TPD52L1: variants seen among roughly 807,000 people sequenced by gnomAD.
The protein encoded by TPD52L1 is TPD52 like 1.
Under a neutral mutation model 28.7 loss-of-function variants are expected in TPD52L1, and 18 were observed. The observed-to-expected ratio is 0.63, with a 90% CI of 0.43 to 0.93. The LOEUF (loss-of-function observed/expected upper bound fraction) is 0.93. Ranked by LOEUF, TPD52L1 falls within the 40% of genes least tolerant of loss-of-function variation. The pLI is 0.00. For synonymous variants in TPD52L1, 75 were observed against 88.8 expected (o/e 0.84, Z 0.88); for missense variants, 203 against 254.8 (o/e 0.80, Z 1.39).
chr6:125,226,921 A>C (rs958865698), intron 2 of TPD52L1, among the ~76,000 whole-genome samples: 1 of 152,170 alleles, frequency 6.6e-6, no homozygotes, highest in African/African-American at 2.4e-5. Context: ...TTAAAATAAC[A>C]GTGTATTCTC....
At chr6:125,208,997 G>A (rs1180773107) in intron 1 of TPD52L1, 2 of 965,430 alleles carry the variant, frequency 2.1e-6, no homozygotes. Context: ...TGTCTTCAGA[G>A]TCTCAAAATC....
At chr6:125,256,778 C>T (rs1033403316) in intron 5 of TPD52L1, among the ~76,000 whole-genome samples, 1 of 152,218 alleles carries the variant, frequency 6.6e-6, no homozygotes, top group African/African-American at 2.4e-5. Flanking sequence ...ACTTAAGCTA[C>T]CCATTGCTCC....
At chr6:125,207,085 C>T (rs942777981) in intron 1 of TPD52L1, among the ~76,000 whole-genome samples, 2 of 152,132 alleles carry the variant, frequency 1.3e-5, no homozygotes, top group Non-Finnish European at 1.5e-5. Flanking sequence ...ATTAATTCAA[C>T]AAACATTGGT....
At chr6:125,202,006 A>T (rs1479825076) in intron 1 of TPD52L1, among the ~76,000 whole-genome samples, 2 of 152,218 alleles carry the variant, frequency 1.3e-5, no homozygotes, top group Non-Finnish European at 2.9e-5. Context: ...TAAAGGGAAG[A>T]CTGTCTATAC....
At chr6:125,248,413 G>A (rs781441056) in intron 4 of TPD52L1, 30 bp downstream of exon 4, 12 of 1,571,352 alleles carry the variant, frequency 7.6e-6, no homozygotes, top group African/African-American at 2.7e-5. Flanking sequence ...TGGGAACGGC[G>A]CTAAGCCCTT....
chr6:125,224,313 A>C (rs1388881837), intron 2 of TPD52L1, among the ~76,000 whole-genome samples: 1 of 152,244 alleles, frequency 6.6e-6, no homozygotes, highest in Non-Finnish European at 1.5e-5. Context: ...GAAAAATACC[A>C]GACAGCATTA....
intron 1 of TPD52L1, among the ~76,000 whole-genome samples, chr6:125,161,082 A>T (rs186847021): frequency 1.7e-3 from 258 of 152,150 alleles, no homozygotes; most frequent in African/African-American, 5.9e-3. Flanking sequence ...GGAACTCCTG[A>T]CCTAAGGTGA....
Position 125,264,349 on chromosome 6 carries a change from A to T in TPD52L1, c.*1387A>T, listed in dbSNP as rs1798210233. The T allele has an allele frequency of 6.6e-6, 1 of 152,224 alleles. No homozygotes were observed. The highest frequency in any genetic ancestry group is 1.5e-5 in the Non-Finnish European group (1 of 68,050). The allele number at this position is 152,224 out of a possible 1,614,324, so 9.4% of individuals were successfully genotyped here. Reference sequence around the variant, plus strand: ...AATTGTTCATGTTTTGTGTTTATTAAATAGAAGTGATATATATGACATTTT... The same window carrying T: ...AATTGTTCATGTTTTGTGTTTATTATATAGAAGTGATATATATGACATTTT... On this transcript the variant is annotated 3_prime_UTR_variant, in exon 7 of 7. Coordinates refer to ENST00000534000, the MANE Select transcript of TPD52L1 (RefSeq NM_003287.4).
intron 1 of TPD52L1, among the ~76,000 whole-genome samples, chr6:125,178,515 G>A (rs1791960202): frequency 6.6e-6 from 1 of 152,124 alleles, no homozygotes; most frequent in African/African-American, 2.4e-5. Flanking sequence ...CAGCTACTCA[G>A]GAGGCTGAGG....
intron 3 of TPD52L1, among the ~76,000 whole-genome samples, chr6:125,247,355 T>C (rs1354005214): frequency 6.6e-6 from 1 of 152,164 alleles, no homozygotes; most frequent in Non-Finnish European, 1.5e-5. Context: ...ATTTCCCACT[T>C]TCATAACCAA....
intron 1 of TPD52L1, among the ~76,000 whole-genome samples, chr6:125,211,300 TATCTATC>T (rs934993347): frequency 8.8e-5 from 13 of 147,376 alleles, no homozygotes; most frequent in South Asian, 2.1e-4. Context: ...TCTATCTATC[TATCTATC>T]GTGTAACACA....
chr6:125,250,362 G>A (rs955596396), intron 4 of TPD52L1, among the ~76,000 whole-genome samples: 1 of 152,194 alleles, frequency 6.6e-6, no homozygotes, highest in Admixed American at 6.5e-5. Flanking sequence ...AGATAATTTG[G>A]CTTCAGAGGG....
chr6:125,172,144 CTTTCTT>C (rs1791400532), intron 1 of TPD52L1, among the ~76,000 whole-genome samples: 2 of 60,638 alleles, frequency 3.3e-5, no homozygotes. Flanking sequence ...TTCTTTCTTT[CTTTCTT>C]TCTTTCTTTT....
intron 1 of TPD52L1, among the ~76,000 whole-genome samples, chr6:125,164,309 G>A (rs533231087): frequency 1.9e-4 from 29 of 152,296 alleles, no homozygotes; most frequent in Non-Finnish European, 3.5e-4. Flanking sequence ...TAAGCCTTGC[G>A]ACATGTCAAG....
rs1351835446 is a variant in TPD52L1, at chr6:125,154,265, A to G, written c.19+295A>G. 35 of 1,216,194 alleles carry G rather than the reference A, an allele frequency of 2.9e-5. No homozygotes were observed. In the East Asian group the frequency reaches 1.2e-3, roughly 43 times the overall value. 75.3% of individuals were successfully genotyped at this position (1,216,194 alleles called of 1,614,324 possible). A position where few individuals can be genotyped will look rare whatever the true frequency, so the allele number is the denominator to read the frequency against. On this transcript the variant is annotated intron_variant, in intron 1 of 6. Transcript: ENST00000534000. ...GCAGCCAGTCGCCCCTGGCCTTCCC[A>G]ACCTCGCGGCTGCCCGAAGGACCTG...
chr6:125,250,959 AT>A (rs762255126), intron 4 of TPD52L1, among the ~76,000 whole-genome samples: 32 of 152,322 alleles, frequency 2.1e-4, no homozygotes, highest in South Asian at 8.3e-4. Context: ...TTTATATAAT[AT>A]TTTATGTGTA....
intron 1 of TPD52L1, among the ~76,000 whole-genome samples, chr6:125,176,656 C>G (rs1053996916): frequency 1.3e-5 from 2 of 152,118 alleles, no homozygotes; most frequent in Non-Finnish European, 1.5e-5. Flanking sequence ...ATCCTTTCTG[C>G]AGAATCTAAT....
At chr6:125,213,335 G>A (rs1038833604) in intron 1 of TPD52L1, among the ~76,000 whole-genome samples, 2 of 152,134 alleles carry the variant, frequency 1.3e-5, no homozygotes, top group South Asian at 2.1e-4. Context: ...TGTGCCTGGT[G>A]TATGGAAGCC....
rs372872977 is a variant in TPD52L1 at position 125,167,885 on chromosome 6, T to C, written c.19+13915T>C. Among the ~76,000 whole-genome samples, 6 of 151,844 alleles carry C rather than the reference T, an allele frequency of 4.0e-5. No individual in the cohort carries two copies. The East Asian group carries it at 9.7e-4, about 24-fold the overall frequency. On this transcript the variant is annotated intron_variant, in intron 1 of 6. Coordinates refer to ENST00000534000, the MANE Select transcript of TPD52L1 (RefSeq NM_003287.4). ...AAAAAAACAAAAAAATGGGGTGGGT[T>C]GAGTAACAGTAAACTATCATAAAAT...
Sources: gnomAD v4.1 joint callset for allele counts (sites outside exome capture counted in the v4.1 genomes callset) on GRCh38, gnomAD v4.1.1 for gene constraint, MANE v1.5 for transcripts, NCBI Gene and HGNC (gene_info 2026-07-23, HGNC 2026-07-21) for gene names.